The following MTPAP variants were observed in gnomAD, a reference collection of about 807,000 sequenced individuals.
MTPAP encodes the protein mitochondrial poly(A) polymerase, also known as poly(A) RNA polymerase, mitochondrial.
A neutral mutation model predicts 48.7 loss-of-function variants in MTPAP; 23 were observed. The ratio of observed to expected loss-of-function variants is 0.47; its 90% CI spans 0.34 to 0.67. MTPAP has a LOEUF of 0.67. Ranked by LOEUF, MTPAP falls within the 30% of genes least tolerant of loss-of-function variation. The pLI, the probability that MTPAP is intolerant of heterozygous loss-of-function variation, is 0.01. For missense variants in MTPAP, 614 were observed against 694.3 expected, an observed-to-expected ratio of 0.88 and a Z score of 1.30; for synonymous variants, 257 against 254.1, an observed-to-expected ratio of 1.01 and a Z score of -0.11.
chr10:30,331,763 C>T (rs1290131140), intron 4 of MTPAP, among the ~76,000 whole-genome samples: 1 of 152,220 alleles, frequency 6.6e-6, no homozygotes, highest in African/African-American at 2.4e-5. Flanking sequence ...GACGGGGTTT[C>T]ACCACATTGG....
intron 5 of MTPAP, among the ~76,000 whole-genome samples, chr10:30,324,414 C>T (rs945465949): frequency 2.0e-5 from 3 of 151,808 alleles, no homozygotes; most frequent in Non-Finnish European, 4.4e-5. Context: ...AATAGTCAGG[C>T]GTGGTGGCAT....
chr10:30,332,114 G>A (rs1246825948), intron 4 of MTPAP, among the ~76,000 whole-genome samples: 1 of 152,172 alleles, frequency 6.6e-6, no homozygotes, highest in Non-Finnish European at 1.5e-5. Flanking sequence ...AAGGTTTTAT[G>A]AATCTGATGA....
intron 1 of MTPAP, among the ~76,000 whole-genome samples, chr10:30,344,501 C>T (rs1834847607): frequency 6.6e-6 from 1 of 152,108 alleles, no homozygotes; most frequent in Non-Finnish European, 1.5e-5. Context: ...AGGGCAGAGG[C>T]TATTCTTTTC....
In MTPAP at chr10:30,309,848, A is replaced by C. The variant is rs1387236949; in HGVS notation, c.*3761T>G. The C allele has an allele frequency of 6.6e-6, 1 of 152,232 alleles. No individual in the cohort carries two copies. The highest frequency in any genetic ancestry group is 2.4e-5 in the African/African-American group (1 of 41,470). The allele number at this position is 152,232 out of a possible 1,614,324, so 9.4% of individuals were successfully genotyped here. ...TTTCCCTTCTCCTTTATGGTAACTG[A>C]AGGTGAATGAGATAATTACACACAG... On this transcript the variant is annotated 3_prime_UTR_variant, in exon 9 of 9. Coordinates refer to ENST00000263063, the MANE Select transcript of MTPAP (RefSeq NM_018109.4).
chr10:30,345,448 G>C (rs775639580), intron 1 of MTPAP, among the ~76,000 whole-genome samples: 1 of 152,092 alleles, frequency 6.6e-6, no homozygotes, highest in Non-Finnish European at 1.5e-5. Context: ...CTGGCAAAGA[G>C]CAGGGATTAC....
chr10:30,328,610 C>T (rs369655888), intron 4 of MTPAP, among the ~76,000 whole-genome samples: 3 of 152,134 alleles, frequency 2.0e-5, no homozygotes, highest in Admixed American at 6.6e-5. Context: ...AAGGCTCCAA[C>T]AATGTTTATC....
At position 30,348,377 on chromosome 10, in the gene MTPAP, T is replaced by C. The variant is rs182432754; in HGVS notation, c.157+742A>G. 2.7e-3 allele frequency among the ~76,000 whole-genome samples: 408 copies of C among 152,344 alleles called. 1 individual carries two copies. Among genetic ancestry groups the C allele is most frequent in the African/African-American group, 9.3e-3 (388 of 41,584 alleles). On this transcript the variant is annotated intron_variant, in intron 1 of 8. Transcript: ENST00000263063. ...GTCTAAATTAACTGAGCTAGTGACC[T>C]TGCCTAAGTTATTTACCTCTTTGAA...
In MTPAP at chr10:30,311,209, AC is replaced by A. The variant is rs2132838918; in HGVS notation, c.*2399del. On this transcript the variant is annotated 3_prime_UTR_variant, in exon 9 of 9. Coordinates refer to ENST00000263063, the MANE Select transcript of MTPAP (RefSeq NM_018109.4). ...GATTTCTAGCCCAACAAAATAAAGA[AC>A]AAATGAAAAATGGCTTTTAAAGACA... 6.6e-6 allele frequency: 1 copy of A among 152,354 alleles called. No homozygotes were observed. Among genetic ancestry groups the A allele is most frequent in the Non-Finnish European group, 1.5e-5 (1 of 68,040 alleles). 9.4% of individuals were successfully genotyped at this position (152,354 alleles called of 1,614,324 possible).
At position 30,340,421 on chromosome 10, in the gene MTPAP, T is replaced by C; in HGVS notation, c.360A>G (p.Gln120=). The C allele has an allele frequency of 5.0e-6, 8 of 1,614,118 alleles. No homozygotes were observed. The highest frequency in any genetic ancestry group is 5.9e-6 in the Non-Finnish European group (7 of 1,180,022). ...TCTGCAGTGAACCTATGCTTTCCTT[T>C]TGGCAAAATTCTACGACAGCATAGA... ...FGLYAVVEFC[Q]KESIGSLQNG... Residue 120 remains glutamine (Q), a synonymous_variant, in exon 3 of 9, where the codon CAA becomes CAG. Coordinates refer to ENST00000263063, the MANE Select transcript of MTPAP (RefSeq NM_018109.4).
In MTPAP at chr10:30,322,611, G is replaced by A. The variant is rs1161468596; in HGVS notation, c.999C>T (p.Ala333=). The A allele has an allele frequency of 6.2e-7, 1 of 1,607,482 alleles. No individual in the cohort carries two copies. The highest frequency in any genetic ancestry group is 1.7e-5 in the Admixed American group (1 of 59,726). The change falls in exon 6 of 9, where the codon GCC becomes GCT. Residue 333 remains alanine (A), a synonymous_variant. Coordinates refer to ENST00000263063, the MANE Select transcript of MTPAP (RefSeq NM_018109.4). ...TATAAAGGAGTTCGGAACTTGTCAAGGCAATCCTTCAAAAAATAAAAATAA... is the reference window on the plus strand; with the variant it reads ...TATAAAGGAGTTCGGAACTTGTCAAAGCAATCCTTCAAAAAATAAAAATAA... ...QCDLTTNNRI[A]LTSSELLYIY...
At chr10:30,346,910 T>C (rs1834879714) in intron 1 of MTPAP, among the ~76,000 whole-genome samples, 1 of 152,136 alleles carries the variant, frequency 6.6e-6, no homozygotes, top group South Asian at 2.1e-4. Flanking sequence ...ACCCCCATCA[T>C]CAACATCCCA....
At chr10:30,343,267 A>G (rs1165013247) in intron 1 of MTPAP, among the ~76,000 whole-genome samples, 3 of 151,972 alleles carry the variant, frequency 2.0e-5, no homozygotes, top group African/African-American at 7.2e-5. Flanking sequence ...TGCCCAAATT[A>G]GCCAGGCGTG....
intron 4 of MTPAP, among the ~76,000 whole-genome samples, chr10:30,334,807 A>T (rs1304280206): frequency 6.6e-6 from 1 of 152,268 alleles, no homozygotes; most frequent in Non-Finnish European, 1.5e-5. Flanking sequence ...GGGAAAATTC[A>T]AACTGTGAGT....
chr10:30,310,108 A>G lies in MTPAP; in HGVS notation c.*3501T>C, dbSNP rs1840573185. The G allele has an allele frequency of 6.6e-6, 1 of 152,254 alleles. No individual in the cohort carries two copies. Among genetic ancestry groups the G allele is most frequent in the Non-Finnish European group, 1.5e-5 (1 of 68,042 alleles). 9.4% of individuals were successfully genotyped at this position (152,254 alleles called of 1,614,324 possible). On this transcript the variant is annotated 3_prime_UTR_variant, in exon 9 of 9. Transcript: ENST00000263063. ...TAGTTATAGAAGAAAAAAACTTGAA[A>G]AAAGTTTTACTTAACATTGCAATTA...
chr10:30,349,004 C>T (rs1834902737), intron 1 of MTPAP, 115 bp downstream of exon 1: 5 of 1,475,870 alleles, frequency 3.4e-6, no homozygotes, highest in Non-Finnish European at 4.7e-6. Flanking sequence ...CAGGACACAG[C>T]CCCACCCTCT....
At chr10:30,347,885 C>T (rs1164593841) in intron 1 of MTPAP, among the ~76,000 whole-genome samples, 2 of 118,638 alleles carry the variant, frequency 1.7e-5, no homozygotes, top group African/African-American at 6.4e-5. Flanking sequence ...AGCAAGACTT[C>T]GTCCCGAAAA....
chr10:30,329,233 G>A (rs1212308770), intron 4 of MTPAP, among the ~76,000 whole-genome samples: 1 of 151,278 alleles, frequency 6.6e-6, no homozygotes, highest in African/African-American at 2.4e-5. Context: ...GGGTGACAGA[G>A]TGAGAATCCA....
At chr10:30,339,901 G>A (rs957448044) in intron 3 of MTPAP, 2 of 350,574 alleles carry the variant, frequency 5.7e-6, no homozygotes, top group East Asian at 1.3e-4. Flanking sequence ...TAAGACATTA[G>A]GAGGGGAAAG....
intron 6 of MTPAP, among the ~76,000 whole-genome samples, chr10:30,320,377 T>C (rs1352839821): frequency 6.6e-6 from 1 of 152,012 alleles, no homozygotes; most frequent in Non-Finnish European, 1.5e-5. Flanking sequence ...ATTAAAAAAT[T>C]AGCCAGGTAT....
Sources: gnomAD v4.1 joint callset for allele counts (sites outside exome capture counted in the v4.1 genomes callset) on GRCh38, gnomAD v4.1.1 for gene constraint, MANE v1.5 for transcripts, NCBI Gene and HGNC (gene_info 2026-07-23, HGNC 2026-07-21) for gene names.